The following LHFPL3 variants were observed in gnomAD, a reference collection of about 807,000 sequenced individuals.
LHFPL3 encodes LHFPL tetraspan subfamily member 3 protein.
A neutral mutation model predicts 19.3 loss-of-function variants in LHFPL3; 5 were observed. The ratio of observed to expected loss-of-function variants is 0.26; its 90% CI spans 0.14 to 0.54. The LOEUF is 0.54. Among genes scored for constraint, LHFPL3 ranks in the 20% least tolerant of loss-of-function variants. LHFPL3 has a pLI of 0.94. For synonymous variants in LHFPL3, 133 were observed against 126.2 expected, an observed-to-expected ratio of 1.05 and a Z score of -0.36; for missense variants, 249 against 307.4, an observed-to-expected ratio of 0.81 and a Z score of 1.42.
At chr7:104,365,559 A>G (rs907031845) in intron 1 of LHFPL3, among the ~76,000 whole-genome samples, 1 of 151,094 alleles carries the variant, frequency 6.6e-6, no homozygotes, top group African/African-American at 2.4e-5. Context: ...AGGCGGGTGG[A>G]TCATGAGGTC....
chr7:104,588,196 C>A (rs2115611976), intron 1 of LHFPL3, among the ~76,000 whole-genome samples: 1 of 152,280 alleles, frequency 6.6e-6, no homozygotes, highest in South Asian at 2.1e-4. Context: ...TTGCCCATGC[C>A]TATGTCCTGA....
intron 1 of LHFPL3, among the ~76,000 whole-genome samples, chr7:104,544,899 A>G (rs1794552440): frequency 6.6e-6 from 1 of 152,188 alleles, no homozygotes; most frequent in Non-Finnish European, 1.5e-5. Flanking sequence ...TTGGAAAAGT[A>G]TCTGGCTTAA....
rs571353928 is a variant in LHFPL3 at position 104,709,321 on chromosome 7, G to T, written c.446-27354G>T. Reference sequence around the variant, plus strand: ...GTCATAGGACAATAGTGGAGGGAAGGTCAGCAGATAAACACGTGAACAAAG... The same window carrying T: ...GTCATAGGACAATAGTGGAGGGAAGTTCAGCAGATAAACACGTGAACAAAG... On this transcript the variant is annotated intron_variant, in intron 1 of 2. Coordinates refer to ENST00000424859, the MANE Select transcript of LHFPL3 (RefSeq NM_199000.3). Among the ~76,000 whole-genome samples the T allele has an allele frequency of 2.2e-4, 31 of 138,238 alleles. 1 individual carries two copies. In the South Asian group the frequency reaches 5.4e-3, roughly 24 times the overall value. 90.7% of individuals were successfully genotyped at this position (138,238 alleles called of 152,430 possible). A position where few individuals can be genotyped will look rare whatever the true frequency, so the allele number is the denominator to read the frequency against.
intron 1 of LHFPL3, among the ~76,000 whole-genome samples, chr7:104,554,102 A>C (rs942800049): frequency 2.6e-5 from 4 of 152,180 alleles, no homozygotes; most frequent in African/African-American, 9.7e-5. Flanking sequence ...TTGCCTGTCA[A>C]TATTAAAATG....
chr7:104,542,300 G>A (rs1269552040), intron 1 of LHFPL3, among the ~76,000 whole-genome samples: 3 of 151,882 alleles, frequency 2.0e-5, no homozygotes, highest in African/African-American at 7.3e-5. Flanking sequence ...GTTTCCCTAA[G>A]CAAGATAAAG....
chr7:104,766,091 C>T (rs1178893919), intron 2 of LHFPL3, among the ~76,000 whole-genome samples: 1 of 152,214 alleles, frequency 6.6e-6, no homozygotes, highest in East Asian at 1.9e-4. Context: ...TGAGTTGGCA[C>T]AGAAATCCAT....
At chr7:104,439,715 CA>C (rs1792179387) in intron 1 of LHFPL3, among the ~76,000 whole-genome samples, 1 of 151,992 alleles carries the variant, frequency 6.6e-6, no homozygotes, top group African/African-American at 2.4e-5. Flanking sequence ...ACAGCATCTT[CA>C]AAAAACTTAC....
intron 2 of LHFPL3, among the ~76,000 whole-genome samples, chr7:104,903,668 A>G (rs1792538129): frequency 6.6e-6 from 1 of 151,804 alleles, no homozygotes; most frequent in Non-Finnish European, 1.5e-5. Flanking sequence ...TTTTCGCCAT[A>G]TTGACCAGGC....
In LHFPL3 at chr7:104,488,831, C is replaced by G. The variant is rs112108002; in HGVS notation, c.445+159607C>G. Among the ~76,000 whole-genome samples, 1,064 of 152,270 alleles carry G rather than the reference C, an allele frequency of 7.0e-3. 12 individuals are homozygous for G. The highest frequency in any genetic ancestry group is 0.022 in the African/African-American group (901 of 41,550). On this transcript the variant is annotated intron_variant, in intron 1 of 2. Coordinates refer to ENST00000424859, the MANE Select transcript of LHFPL3 (RefSeq NM_199000.3). ...TCAAAGCAGGCAAAGTCTGTTGGCA[C>G]TAAGAAGGATTCAGATTTTGCCACT...
intron 1 of LHFPL3, among the ~76,000 whole-genome samples, chr7:104,435,041 C>T (rs986166489): frequency 3.3e-5 from 5 of 151,816 alleles, no homozygotes. Context: ...TGTGACCCGC[C>T]CCCCTTATTG....
At chr7:104,518,849 T>A (rs10241899) in intron 1 of LHFPL3, among the ~76,000 whole-genome samples, 3,596 of 116,002 alleles carry the variant, frequency 0.031, 65 homozygotes, top group African/African-American at 0.094. Flanking sequence ...ATAGATAGAA[T>A]AAATAAAAAA....
At position 104,705,518 on chromosome 7, in the gene LHFPL3, TC is replaced by T. The variant is rs552836188; in HGVS notation, c.446-31156del. Among the ~76,000 whole-genome samples, 228 of 152,316 alleles carry T rather than the reference TC, an allele frequency of 1.5e-3. 1 individual carries two copies. Among genetic ancestry groups the T allele is most frequent in the Middle Eastern group, 3.4e-3 (1 of 294 alleles). ...GTATTTGTTAGAGTTCTCTCCCCCTTCTTTTTTCAGTTCTATGAGTAGGAGT... is the reference window on the plus strand; with the variant it reads ...GTATTTGTTAGAGTTCTCTCCCCCTTTTTTTTCAGTTCTATGAGTAGGAGT... On this transcript the variant is annotated intron_variant, in intron 1 of 2. Coordinates refer to ENST00000424859, the MANE Select transcript of LHFPL3 (RefSeq NM_199000.3).
intron 1 of LHFPL3, among the ~76,000 whole-genome samples, chr7:104,508,288 G>C (rs1406634548): frequency 6.6e-6 from 1 of 151,842 alleles, no homozygotes; most frequent in East Asian, 1.9e-4. Context: ...CATAAAAAAT[G>C]ATGAGTTCAT....
At chr7:104,549,915 G>C (rs544206380) in intron 1 of LHFPL3, among the ~76,000 whole-genome samples, 1 of 152,220 alleles carries the variant, frequency 6.6e-6, no homozygotes, top group East Asian at 1.9e-4. Flanking sequence ...CAAAGGGAAG[G>C]GGCAATTGTA....
intron 1 of LHFPL3, among the ~76,000 whole-genome samples, chr7:104,395,003 G>A (rs1791155364): frequency 6.6e-6 from 1 of 151,910 alleles, no homozygotes; most frequent in Non-Finnish European, 1.5e-5. Context: ...CAGGCTGCTA[G>A]TCGTCATTTT....
intron 2 of LHFPL3, among the ~76,000 whole-genome samples, chr7:104,848,157 C>T (rs1043171916): frequency 3.9e-5 from 6 of 152,280 alleles, no homozygotes; most frequent in Admixed American, 3.3e-4. Context: ...TGAGAGGCAG[C>T]TCATCTGGCT....
intron 2 of LHFPL3, among the ~76,000 whole-genome samples, chr7:104,774,844 A>G (rs1378291596): frequency 1.3e-5 from 2 of 152,200 alleles, no homozygotes; most frequent in East Asian, 3.9e-4. Flanking sequence ...CTCATTCAGG[A>G]GGCAAAACAT....
intron 1 of LHFPL3, among the ~76,000 whole-genome samples, chr7:104,467,364 C>G (rs1262444749): frequency 6.6e-6 from 1 of 152,166 alleles, no homozygotes; most frequent in Non-Finnish European, 1.5e-5. Flanking sequence ...AACATGGGGT[C>G]TACTCGAGTG....
At chr7:104,741,492 A>G (rs12705273) in intron 2 of LHFPL3, among the ~76,000 whole-genome samples, 41,591 of 144,046 alleles carry the variant, frequency 0.29, 6,952 homozygotes, top group East Asian at 0.76. Context: ...CCCCACTGAA[A>G]AACAAAGAAA....
Sources: gnomAD v4.1 joint callset for allele counts (sites outside exome capture counted in the v4.1 genomes callset) on GRCh38, gnomAD v4.1.1 for gene constraint, MANE v1.5 for transcripts, NCBI Gene and HGNC (gene_info 2026-07-23, HGNC 2026-07-21) for gene names.